Variants in KLF13 observed in about 807,000 individuals in gnomAD.
The protein encoded by KLF13 is KLF transcription factor 13.
KLF13 carries 8 observed loss-of-function variants against 16.7 expected under a neutral mutation model. That is an observed-to-expected ratio of 0.48 (90% CI 0.28 to 0.87). The LOEUF (loss-of-function observed/expected upper bound fraction) is 0.87. KLF13 is among the 40% of genes least tolerant of loss of function. The pLI, the probability that KLF13 is intolerant of heterozygous loss-of-function variation, is 0.10. For synonymous variants in KLF13, 245 were observed against 208.4 expected (o/e 1.18, Z -1.51); for missense variants, 447 against 452.2 (o/e 0.99, Z 0.10).
At chr15:31,351,159 G>A (rs1319653821) in intron 1 of KLF13, among the ~76,000 whole-genome samples, 2 of 152,186 alleles carry the variant, frequency 1.3e-5, no homozygotes, top group African/African-American at 4.8e-5. Context: ...TCTGGGCTGG[G>A]GTCAGATTTG....
intron 1 of KLF13, among the ~76,000 whole-genome samples, chr15:31,341,477 A>G (rs2039020669): frequency 6.6e-6 from 1 of 151,932 alleles, no homozygotes; most frequent in Non-Finnish European, 1.5e-5. Context: ...TTGAAAAGAA[A>G]CAGACACATA....
At chr15:31,421,352 A>G (rs185683155) in intron 1 of KLF13, among the ~76,000 whole-genome samples, 69 of 152,322 alleles carry the variant, frequency 4.5e-4, no homozygotes, top group South Asian at 8.3e-4. Context: ...AGGGAGGTAT[A>G]TGGAAAAGTA....
intron 1 of KLF13, among the ~76,000 whole-genome samples, chr15:31,421,459 TG>T (rs2141008370): frequency 6.6e-6 from 1 of 152,326 alleles, no homozygotes; most frequent in East Asian, 1.9e-4. Flanking sequence ...TATCAAACTT[TG>T]TTAATGAACA....
chr15:31,330,954 C>T (rs1056988864), intron 1 of KLF13, among the ~76,000 whole-genome samples: 2 of 152,186 alleles, frequency 1.3e-5, no homozygotes, highest in African/African-American at 4.8e-5. Flanking sequence ...GACTCACCTT[C>T]GATAGGTCAG....
chr15:31,334,922 C>T (rs1344697519), intron 1 of KLF13, among the ~76,000 whole-genome samples: 1 of 150,734 alleles, frequency 6.6e-6, no homozygotes, highest in East Asian at 1.9e-4. Flanking sequence ...AGGCTTTGGA[C>T]ACTCTTCTGG....
chr15:31,385,828 C>G (rs1278263920), intron 1 of KLF13, among the ~76,000 whole-genome samples: 1 of 152,220 alleles, frequency 6.6e-6, no homozygotes, highest in Non-Finnish European at 1.5e-5. Context: ...TCACAGGTCT[C>G]TCACTTTAAA....
At chr15:31,361,661 C>G (rs950925442) in intron 1 of KLF13, among the ~76,000 whole-genome samples, 1 of 152,106 alleles carries the variant, frequency 6.6e-6, no homozygotes, top group African/African-American at 2.4e-5. Flanking sequence ...GACAGGGGCC[C>G]CTCCCTCAGT....
upstream of KLF13, among the ~76,000 whole-genome samples, chr15:31,390,171 G>A (rs989353598): frequency 4.0e-5 from 6 of 151,714 alleles, no homozygotes; most frequent in South Asian, 2.1e-4. Context: ...CCATGGATCC[G>A]CACCCCCACT....
At chr15:31,327,851 A>C in intron 1 of KLF13, 62 bp downstream of exon 1, 3 of 1,298,588 alleles carry the variant, frequency 2.3e-6, no homozygotes, top group Non-Finnish European at 2.0e-6. Context: ...CTGCCCGACC[A>C]CGCCCCCGGA....
At position 31,327,727 on chromosome 15, in the gene KLF13, C is replaced by T; in HGVS notation, c.515C>T (p.Ala172Val). The part of the protein sequence containing the change: ...SPQRKHKCHY[A>V]GCEKVYGKSS... ...CAGAGGAAGCACAAGTGCCACTACGCGGGCTGCGAGAAAGTTTACGGGAAA... is the reference window on the plus strand; with the variant it reads ...CAGAGGAAGCACAAGTGCCACTACGTGGGCTGCGAGAAAGTTTACGGGAAA... Residue 172 changes from alanine (A) to valine (V), a missense_variant, in exon 1 of 2, where the codon GCG (alanine) becomes GTG (valine). Coordinates refer to ENST00000307145, the MANE Select transcript of KLF13 (RefSeq NM_015995.4). 6.5e-7 allele frequency: 1 copy of T among 1,537,010 alleles called. No individual in the cohort carries two copies. Among genetic ancestry groups the T allele is most frequent in the South Asian group, 1.2e-5 (1 of 86,606 alleles).
At chr15:31,355,563 G>A (rs553612473) in intron 1 of KLF13, among the ~76,000 whole-genome samples, 2 of 152,054 alleles carry the variant, frequency 1.3e-5, no homozygotes, top group African/African-American at 2.4e-5. Flanking sequence ...GCTCGATAAC[G>A]TGCTCATAGG....
At position 31,372,216 on chromosome 15, in the gene KLF13, G is replaced by A. The variant is rs755628424; in HGVS notation, c.784G>A (p.Gly262Arg). Reference sequence around the variant, plus strand: ...CCCGGGAATGCTGCAGCGGCGCGGCGGGGGCTCGCGGACCGGCTCCCTCAG... The same window carrying A: ...CCCGGGAATGCTGCAGCGGCGCGGCAGGGGCTCGCGGACCGGCTCCCTCAG... Reference protein sequence around the residue: ...FHPGMLQRRGGGSRTGSLSDY... With the variant: ...FHPGMLQRRGRGSRTGSLSDY... The change falls in exon 2 of 2, where the codon GGG (glycine) becomes AGG (arginine). Residue 262 changes from glycine to arginine, a missense_variant. Gly to Arg is a moderately radical substitution (Grantham distance 125). Transcript: ENST00000307145. The A allele has an allele frequency of 8.8e-6, 14 of 1,599,760 alleles. No individual in the cohort carries two copies. Among genetic ancestry groups the A allele is most frequent in the South Asian group, 3.3e-5 (3 of 90,488 alleles).
At chr15:31,420,380 T>C in intron 1 of KLF13, 1 of 1,143,796 alleles carries the variant, frequency 8.7e-7, no homozygotes, top group South Asian at 1.2e-5. Context: ...CTTGCTAGAG[T>C]TCCCCAGTGG....
intron 1 of KLF13, among the ~76,000 whole-genome samples, chr15:31,349,684 T>C (rs954404194): frequency 6.6e-6 from 1 of 152,162 alleles, no homozygotes; most frequent in Non-Finnish European, 1.5e-5. Context: ...TCCGGGCCCA[T>C]GTGAGGCGAG....
At chr15:31,332,525 A>C (rs1040046975) in intron 1 of KLF13, among the ~76,000 whole-genome samples, 10 of 152,194 alleles carry the variant, frequency 6.6e-5, no homozygotes, top group African/African-American at 2.2e-4. Context: ...CCCTCGCTGA[A>C]AGAAGGCTGG....
intron 1 of KLF13, among the ~76,000 whole-genome samples, chr15:31,383,247 C>G (rs1203865742): frequency 6.6e-6 from 1 of 152,178 alleles, no homozygotes; most frequent in African/African-American, 2.4e-5. Context: ...TTTCTGAGAT[C>G]GACTGTTGGC....
At chr15:31,352,459 G>A (rs1403770922) in intron 1 of KLF13, among the ~76,000 whole-genome samples, 1 of 152,230 alleles carries the variant, frequency 6.6e-6, no homozygotes, top group Admixed American at 6.5e-5. Flanking sequence ...GGCTGGCCAC[G>A]GGCTCCATGC....
chr15:31,328,658 C>T (rs984780587), intron 1 of KLF13, among the ~76,000 whole-genome samples: 14 of 151,898 alleles, frequency 9.2e-5, no homozygotes, highest in Non-Finnish European at 2.1e-4. Flanking sequence ...CTGGGGATCA[C>T]CGCCCGCCCC....
intron 1 of KLF13, among the ~76,000 whole-genome samples, chr15:31,348,849 G>GT (rs1202416097): frequency 6.6e-6 from 1 of 152,164 alleles, no homozygotes; most frequent in Non-Finnish European, 1.5e-5. Context: ...AGATTATTCT[G>GT]TATCTGGTGA....
Sources: gnomAD v4.1 joint callset for allele counts (sites outside exome capture counted in the v4.1 genomes callset) on GRCh38, gnomAD v4.1.1 for gene constraint, MANE v1.5 for transcripts, NCBI Gene and HGNC (gene_info 2026-07-23, HGNC 2026-07-21) for gene names.